FMNL1: variants seen among roughly 807,000 people sequenced by gnomAD.
FMNL1 encodes the protein formin-like protein 1.
A neutral mutation model predicts 121.3 loss-of-function variants in FMNL1; 43 were observed. That is an observed-to-expected ratio of 0.35 (90% CI 0.28 to 0.46). The LOEUF is 0.46. FMNL1 is among the 20% of genes least tolerant of loss of function. The probability of loss-of-function intolerance (pLI) is 1.00; values close to 1 mark genes in which losing one functional copy is unlikely to be tolerated. For missense variants in FMNL1, 1,191 were observed against 1,482.4 expected (o/e 0.80, Z 3.23); for synonymous variants, 613 against 613.5 (o/e 1.00, Z 0.01).
Position 45,232,679 on chromosome 17 carries a change from C to T in FMNL1, c.327+199C>T, listed in dbSNP as rs142275370. On this transcript the variant is annotated intron_variant, in intron 3 of 26. Transcript: ENST00000331495. ...GCACTTTAGATATTCCTCTGTACATCCTGTGTGTGCTTACATGGACACATT... is the reference window on the plus strand; with the variant it reads ...GCACTTTAGATATTCCTCTGTACATTCTGTGTGTGCTTACATGGACACATT... Among the ~76,000 whole-genome samples, 346 of 152,044 alleles carry T rather than the reference C, an allele frequency of 2.3e-3. 21 individuals carry two copies. In the South Asian group the frequency reaches 0.07, roughly 31 times the overall value.
chr17:45,234,820 T>C (rs917302183), intron 6 of FMNL1: 2 of 154,384 alleles, frequency 1.3e-5, no homozygotes, highest in African/African-American at 4.8e-5. Context: ...TTTTCTCCCA[T>C]GCGGCCTCCA....
Position 45,241,224 on chromosome 17 carries a change from C to T in FMNL1, c.1326C>T (p.Thr442=), listed in dbSNP as rs781612488. The T allele has an allele frequency of 1.9e-6, 3 of 1,613,944 alleles. No individual in the cohort carries two copies. In the African/African-American group the frequency reaches 4.0e-5, roughly 22 times the overall value. The stretch of plus-strand genomic sequence containing the variant: ...GCCAGGCGCGCAAGGAGTTGGAGAC[C>T]CTGCGGGTGAGGCTGGGGCGGGTGG... ...QLSQARKELE[T]LRERFSESTA... Residue 442 remains threonine, a synonymous_variant, in exon 13 of 27, where the codon ACC becomes ACT. Coordinates refer to ENST00000331495, the MANE Select transcript of FMNL1 (RefSeq NM_005892.4). This position sits in a 1 kb window ranked among gnomAD's most constrained non-coding sequence, Gnocchi z 7.0.
rs1234315476 is a variant in FMNL1 at position 45,247,271 on chromosome 17, G to A, written c.*413G>A. The A allele has an allele frequency of 1.5e-5, 6 of 399,398 alleles. No homozygotes were observed. Among genetic ancestry groups the A allele is most frequent in the Non-Finnish European group, 1.8e-5 (4 of 222,554 alleles). 24.7% of individuals were successfully genotyped at this position (399,398 alleles called of 1,614,324 possible). On this transcript the variant is annotated 3_prime_UTR_variant, in exon 27 of 27. Transcript: ENST00000331495. ...CCCGCAAGCCCCAGCCCCGAGGACC[G>A]TCCATGGACCTTATTTTTATATGAG...
At position 45,232,492 on chromosome 17, in the gene FMNL1, C is replaced by G. The variant is rs779041170; in HGVS notation, c.327+12C>G. Reference sequence around the variant, plus strand: ...TGTCCAACCTGGGGGTACATGTCTCCCCTCTTTACTCTGTCCCTTTCCCCC... The same window carrying G: ...TGTCCAACCTGGGGGTACATGTCTCGCCTCTTTACTCTGTCCCTTTCCCCC... On this transcript the variant is annotated intron_variant, in intron 3 of 26. Coordinates refer to ENST00000331495, the MANE Select transcript of FMNL1 (RefSeq NM_005892.4). The G allele has an allele frequency of 6.2e-7, 1 of 1,612,078 alleles. No individual in the cohort carries two copies. The highest frequency in any genetic ancestry group is 8.5e-7 in the Non-Finnish European group (1 of 1,178,254).
At chr17:45,227,476 G>A (rs2043352595) in intron 1 of FMNL1, among the ~76,000 whole-genome samples, 1 of 152,162 alleles carries the variant, frequency 6.6e-6, no homozygotes, top group African/African-American at 2.4e-5. Context: ...AAGATGTGGG[G>A]AATCAGTTCC....
rs1279997940 is a variant in FMNL1 at position 45,233,751 on chromosome 17, C to A, written c.485+20C>A. On this transcript the variant is annotated intron_variant, in intron 5 of 26. Coordinates refer to ENST00000331495, the MANE Select transcript of FMNL1 (RefSeq NM_005892.4). This position sits in a 1 kb window ranked among gnomAD's most constrained non-coding sequence, Gnocchi z 4.1. Reference sequence around the variant, plus strand: ...TGTCACGTAAGCCCCCTGCTCCCAGCCCTCATGCCGCTCCTCAGAGCTTTG... The same window carrying A: ...TGTCACGTAAGCCCCCTGCTCCCAGACCTCATGCCGCTCCTCAGAGCTTTG... 3.1e-6 allele frequency: 5 copies of A among 1,613,164 alleles called. No individual in the cohort carries two copies. In the African/African-American group the frequency reaches 6.7e-5, roughly 22 times the overall value.
At position 45,241,536 on chromosome 17, in the gene FMNL1, G is replaced by T; in HGVS notation, c.1487G>T (p.Gly496Val). 2 of 1,577,214 alleles carry T rather than the reference G, an allele frequency of 1.3e-6. No individual in the cohort carries two copies. The highest frequency in any genetic ancestry group is 1.2e-5 in the South Asian group (1 of 86,672). Residue 496 changes from glycine (G) to valine (V), a missense_variant, in exon 14 of 27, where the codon GGG (glycine) becomes GTG (valine). Gly to Val is a moderately radical substitution (Grantham distance 109). Coordinates refer to ENST00000331495, the MANE Select transcript of FMNL1 (RefSeq NM_005892.4). The surrounding 1 kb of genome is among the most constrained non-coding windows in gnomAD (Gnocchi z 7.0). ...KGLIRILRGPGDAVSIEILPV... is the reference protein window; with the variant it reads ...KGLIRILRGPVDAVSIEILPV... ...TTAATCCGTATTCTGCGGGGGCCGG[G>T]GGATGCTGTCTCCATCGAGATCCTC...
chr17:45,233,277 C>T lies in FMNL1; in HGVS notation c.381C>T (p.Ser127=). The change falls in exon 4 of 27, where the codon TCC becomes TCT. Residue 127 remains serine, a synonymous_variant. Coordinates refer to ENST00000331495, the MANE Select transcript of FMNL1 (RefSeq NM_005892.4). The surrounding 1 kb of genome is among the most constrained non-coding windows in gnomAD (Gnocchi z 4.1). The part of the protein sequence containing the change: ...STQVLRELET[S]LRTNHIGWVQ... ...AGGTGCTACGGGAGCTGGAGACCTC[C>T]CTGAGGACCAACCACATTGGGTGAG... 2 of 1,561,368 alleles carry T rather than the reference C, an allele frequency of 1.3e-6. No homozygotes were observed. The highest frequency in any genetic ancestry group is 8.7e-7 in the Non-Finnish European group (1 of 1,153,094).
At chr17:45,223,273 G>T (rs1263979271) in intron 1 of FMNL1, among the ~76,000 whole-genome samples, 1 of 152,206 alleles carries the variant, frequency 6.6e-6, no homozygotes, top group Non-Finnish European at 1.5e-5. Context: ...GAGGGTGGGG[G>T]CTCAACGGAG....
intron 1 of FMNL1, among the ~76,000 whole-genome samples, chr17:45,226,125 C>T (rs1221252391): frequency 6.6e-6 from 1 of 152,168 alleles, no homozygotes; most frequent in African/African-American, 2.4e-5. Context: ...TAGTGAGGGC[C>T]AGGCAACCTC....
chr17:45,240,694 G>A (rs890164386), intron 12 of FMNL1, 69 bp downstream of exon 12: 21 of 1,539,494 alleles, frequency 1.4e-5, no homozygotes, highest in Middle Eastern at 4.6e-4. Flanking sequence ...ACAGGGCCAC[G>A]CAAGCATGGG....
chr17:45,227,103 C>T (rs985459664), intron 1 of FMNL1, among the ~76,000 whole-genome samples: 6 of 151,830 alleles, frequency 4.0e-5, no homozygotes, highest in Admixed American at 6.6e-5. Context: ...GGCTCAGCTT[C>T]TGGGCCCATC....
intron 7 of FMNL1, 91 bp downstream of exon 7, chr17:45,236,335 T>TCCCTTTAC: frequency 9.3e-7 from 1 of 1,074,410 alleles, no homozygotes; most frequent in African/African-American, 1.5e-5. Flanking sequence ...GGATCCACTG[T>TCCCTTTAC]CCCTTTACCC....
In FMNL1 at chr17:45,233,570, C is replaced by G; in HGVS notation, c.402-78C>G. ...GGGGTTGAAAGGGCACCCCAGGGGT[C>G]CTTGCTGTCCCTGTTCTGTGCCCAT... On this transcript the variant is annotated intron_variant, in intron 4 of 26. Transcript: ENST00000331495. The surrounding 1 kb of genome is among the most constrained non-coding windows in gnomAD (Gnocchi z 4.1). The G allele has an allele frequency of 1.9e-6, 3 of 1,546,092 alleles. No individual in the cohort carries two copies. The highest frequency in any genetic ancestry group is 2.7e-6 in the Non-Finnish European group (3 of 1,124,288).
chr17:45,232,935 T>G, intron 3 of FMNL1: 1 of 566,714 alleles, frequency 1.8e-6, no homozygotes, highest in East Asian at 4.0e-5. Context: ...GCTGTGTGTG[T>G]GTGTGCGCAC....
intron 10 of FMNL1, 147 bp downstream of exon 10, chr17:45,238,785 A>G: frequency 8.6e-7 from 1 of 1,157,956 alleles, no homozygotes; most frequent in Non-Finnish European, 1.3e-6. Flanking sequence ...GGATGTTGGC[A>G]GGGGGCTGGA....
At chr17:45,226,423 G>A (rs1348839582) in intron 1 of FMNL1, among the ~76,000 whole-genome samples, 2 of 152,162 alleles carry the variant, frequency 1.3e-5, no homozygotes, top group African/African-American at 4.8e-5. Flanking sequence ...CCTCAGATGG[G>A]GGATCTGGGC....
intron 3 of FMNL1, chr17:45,232,925 G>T: frequency 1.8e-6 from 1 of 570,102 alleles, no homozygotes; most frequent in Non-Finnish European, 3.3e-6. Flanking sequence ...ATGTTCATGT[G>T]CTGTGTGTGT....
At chr17:45,225,912 G>A (rs1194583527) in intron 1 of FMNL1, among the ~76,000 whole-genome samples, 2 of 152,132 alleles carry the variant, frequency 1.3e-5, no homozygotes, top group African/African-American at 2.4e-5. Flanking sequence ...AGAGGACTTC[G>A]CACAGTGCCT....
Sources: gnomAD v4.1 joint callset for allele counts (sites outside exome capture counted in the v4.1 genomes callset) on GRCh38, gnomAD v4.1.1 for gene constraint, Gnocchi (gnomAD v3.1) non-coding constraint, MANE v1.5 for transcripts, NCBI Gene and HGNC (gene_info 2026-07-23, HGNC 2026-07-21) for gene names.